The following POLR3E variants were observed in gnomAD, a reference collection of about 807,000 sequenced individuals.
The protein encoded by POLR3E is RNA polymerase III subunit E, also known as DNA-directed RNA polymerase III subunit RPC5.
Under a neutral mutation model 96.6 loss-of-function variants are expected in POLR3E, and 41 were observed. That is an observed-to-expected ratio of 0.42 (90% confidence interval 0.33 to 0.55). POLR3E has a LOEUF of 0.55. Among genes scored for constraint, POLR3E ranks in the 20% least tolerant of loss-of-function variants. The pLI, the probability that POLR3E is intolerant of heterozygous loss-of-function variation, is 0.06. For missense variants in POLR3E, 849 were observed against 952.1 expected, an observed-to-expected ratio of 0.89 and a Z score of 1.43; for synonymous variants, 396 against 383.6, an observed-to-expected ratio of 1.03 and a Z score of -0.38.
intron 8 of POLR3E, chr16:22,314,768 C>T (rs997262813): frequency 1.4e-5 from 3 of 214,682 alleles, no homozygotes; most frequent in Admixed American, 5.3e-5. Flanking sequence ...TTAGAAACTC[C>T]CTTCCGCTCT....
At chr16:22,320,515 C>A (rs775418273) in intron 13 of POLR3E, among the ~76,000 whole-genome samples, 12 of 152,182 alleles carry the variant, frequency 7.9e-5, no homozygotes, top group Non-Finnish European at 1.5e-4. Context: ...CCCATCTCGG[C>A]CTCCCAAAGT....
At chr16:22,325,425 G>C in intron 17 of POLR3E, 159 bp downstream of exon 17, 1 of 692,896 alleles carries the variant, frequency 1.4e-6, no homozygotes, top group East Asian at 2.5e-5. Flanking sequence ...ACAGACCGCA[G>C]CTGGTCGCTT....
In POLR3E at chr16:22,326,021, G is replaced by C. The variant is rs139179088; in HGVS notation, c.1609G>C (p.Gly537Arg). Reference sequence around the variant, plus strand: ...CAAGCTGGCCAACGGGCTGCCTCTCGGGCGGGCTGCGGGCACAGACAGCTT... The same window carrying C: ...CAAGCTGGCCAACGGGCTGCCTCTCCGGCGGGCTGCGGGCACAGACAGCTT... ...HSKLANGLPL[G>R]RAAGTDSFNG... Residue 537 changes from glycine (G) to arginine (R), a missense_variant, in exon 18 of 21, where the codon GGG (glycine) becomes CGG (arginine). Coordinates refer to ENST00000299853, the MANE Select transcript of POLR3E (RefSeq NM_018119.4). 1.2e-6 allele frequency: 2 copies of C among 1,600,278 alleles called. No homozygotes were observed. Among genetic ancestry groups the C allele is most frequent in the Non-Finnish European group, 1.7e-6 (2 of 1,172,050 alleles).
In POLR3E at chr16:22,317,638, T is replaced by TTTGTTG. The variant is rs763710808; in HGVS notation, c.865+456_865+461dup. Reference sequence around the variant, plus strand: ...GCAGGCGAACACGGACTAGGGGCTTTTTGTTGTTGTTGTTGTTGTTGTTGT... The same window carrying TTTGTTG: ...GCAGGCGAACACGGACTAGGGGCTTTTTGTTGTTGTTGTTGTTGTTGTTGTTGTTGT... On this transcript the variant is annotated intron_variant, in intron 12 of 20. Transcript: ENST00000299853. 7.6e-3 allele frequency among the ~76,000 whole-genome samples: 1,150 copies of TTTGTTG among 151,208 alleles called. 14 individuals carry two copies. Among genetic ancestry groups the TTTGTTG allele is most frequent in the African/African-American group, 0.024 (970 of 41,030 alleles).
In POLR3E at chr16:22,306,859, G is replaced by A. The variant is rs181377998; in HGVS notation, c.88-1289G>A. Among the ~76,000 whole-genome samples, 342 of 152,312 alleles carry A rather than the reference G, an allele frequency of 2.2e-3. 1 individual carries two copies. Among genetic ancestry groups the A allele is most frequent in the Non-Finnish European group, 4.0e-3 (274 of 68,024 alleles). On this transcript the variant is annotated intron_variant, in intron 3 of 20. Coordinates refer to ENST00000299853, the MANE Select transcript of POLR3E (RefSeq NM_018119.4). ...CATATCCCATGATGCACATGAGAAC[G>A]TGAGGCACAGGGAGGCCTTCACGGG...
chr16:22,309,567 G>A, intron 6 of POLR3E, 57 bp downstream of exon 6: 1 of 1,194,134 alleles, frequency 8.4e-7, no homozygotes, highest in Non-Finnish European at 1.3e-6. Flanking sequence ...GGCTGGGCAG[G>A]GAGAGTACCT....
In POLR3E at chr16:22,313,836, C is replaced by T; in HGVS notation, c.472+109C>T. 1 of 771,256 alleles carries T rather than the reference C, an allele frequency of 1.3e-6. No individual in the cohort carries two copies. Among genetic ancestry groups the T allele is most frequent in the Non-Finnish European group, 2.2e-6 (1 of 462,062 alleles). 47.8% of individuals were successfully genotyped at this position (771,256 alleles called of 1,614,324 possible). On this transcript the variant is annotated intron_variant, in intron 7 of 20. Coordinates refer to ENST00000299853, the MANE Select transcript of POLR3E (RefSeq NM_018119.4). The surrounding 1 kb of genome is among the most constrained non-coding windows in gnomAD (Gnocchi z 4.1). The stretch of plus-strand genomic sequence containing the variant: ...TAGGATGTTTAGCAGGATCCCTGGC[C>T]TCTACCTACTAGATGCCAGAAGCAC...
chr16:22,320,407 G>T lies in POLR3E; in HGVS notation c.986+1461G>T, dbSNP rs538391103. ...CTCCCAAGTAACTGGGATTATAGGC[G>T]CTTGCCACCACGCCCGGCTAATTTT... On this transcript the variant is annotated intron_variant, in intron 13 of 20. Coordinates refer to ENST00000299853, the MANE Select transcript of POLR3E (RefSeq NM_018119.4). Among the ~76,000 whole-genome samples, 4 of 152,002 alleles carry T rather than the reference G, an allele frequency of 2.6e-5. No homozygotes were observed. In the East Asian group the frequency reaches 7.7e-4, roughly 29 times the overall value.
At chr16:22,316,796 G>T in intron 10 of POLR3E, 110 bp downstream of exon 10, 1 of 1,024,928 alleles carries the variant, frequency 9.8e-7, no homozygotes, top group Non-Finnish European at 1.5e-6. Flanking sequence ...CATGAGGGTG[G>T]AGCCCATTGT....
At chr16:22,324,286 G>A (rs1005762747) in intron 14 of POLR3E, 68 bp from the exon 15 acceptor site, 6 of 1,314,470 alleles carry the variant, frequency 4.6e-6, no homozygotes, top group Non-Finnish European at 5.5e-6. Flanking sequence ...CCTGCCAGGT[G>A]AGTTCCCGGG....
chr16:22,304,120 C>T (rs1174831203), intron 2 of POLR3E, among the ~76,000 whole-genome samples: 1 of 152,066 alleles, frequency 6.6e-6, no homozygotes, highest in Non-Finnish European at 1.5e-5. Context: ...ACAGGTTTCC[C>T]TTCTTAGAGA....
At chr16:22,309,336 C>A in intron 5 of POLR3E, 92 bp from the exon 6 acceptor site, 1 of 1,004,630 alleles carries the variant, frequency 1.0e-6, no homozygotes, top group Non-Finnish European at 1.6e-6. Flanking sequence ...TGTGGCACTT[C>A]AGAAAGTGTC....
In POLR3E at chr16:22,322,011, C is replaced by T. The variant is rs1357396023; in HGVS notation, c.987-839C>T. Among the ~76,000 whole-genome samples the T allele has an allele frequency of 6.6e-6, 1 of 152,344 alleles. No individual in the cohort carries two copies. The highest frequency in any genetic ancestry group is 1.9e-4 in the East Asian group (1 of 5,190). On this transcript the variant is annotated intron_variant, in intron 13 of 20. Coordinates refer to ENST00000299853, the MANE Select transcript of POLR3E (RefSeq NM_018119.4). The surrounding 1 kb of genome is among the most constrained non-coding windows in gnomAD (Gnocchi z 5.2). ...GGGGATGGCGGCTGTTACATTTGAGCTCCCTGAATGCAGAGATCATGGCAT... is the reference window on the plus strand; with the variant it reads ...GGGGATGGCGGCTGTTACATTTGAGTTCCCTGAATGCAGAGATCATGGCAT...
intron 18 of POLR3E, chr16:22,327,385 ACCTTT>A (rs2048621219): frequency 6.6e-6 from 1 of 152,186 alleles, no homozygotes; most frequent in Non-Finnish European, 1.5e-5. Context: ...CCACAAGCTC[ACCTTT>A]CTTCATGAGC....
intron 8 of POLR3E, 69 bp downstream of exon 8, chr16:22,314,197 C>A: frequency 1.6e-6 from 2 of 1,252,388 alleles, no homozygotes; most frequent in African/African-American, 1.5e-5. Flanking sequence ...CAAGGGGTAG[C>A]GGGTCTTCAC....
chr16:22,299,410 C>CTT (rs34579812), intron 1 of POLR3E, among the ~76,000 whole-genome samples: 21 of 117,324 alleles, frequency 1.8e-4, no homozygotes, highest in South Asian at 2.6e-4. Context: ...ATATGATTTA[C>CTT]TTTTTTTTTT....
chr16:22,297,825 C>T lies in POLR3E; in HGVS notation c.-39+288C>T, dbSNP rs190630477. 3.5e-3 allele frequency among the ~76,000 whole-genome samples: 537 copies of T among 152,368 alleles called. 4 individuals carry two copies. Among genetic ancestry groups the T allele is most frequent in the African/African-American group, 0.012 (514 of 41,596 alleles). ...GCCCTATCCGGGCCTGGGAGGCCTC[C>T]TACGGAAGAAACACCTGTCCGCGCG... is the stretch of plus-strand genomic sequence containing the variant. On this transcript the variant is annotated intron_variant, in intron 1 of 20. Coordinates refer to ENST00000299853, the MANE Select transcript of POLR3E (RefSeq NM_018119.4).
chr16:22,301,793 G>GAT (rs2048029292), intron 1 of POLR3E, among the ~76,000 whole-genome samples: 1 of 151,970 alleles, frequency 6.6e-6, no homozygotes, highest in African/African-American at 2.4e-5. Context: ...GGGCCTGGTG[G>GAT]TGCATGCCTG....
chr16:22,298,073 A>G (rs1419583262), intron 1 of POLR3E, among the ~76,000 whole-genome samples: 1 of 152,240 alleles, frequency 6.6e-6, no homozygotes, highest in Non-Finnish European at 1.5e-5. Flanking sequence ...TCATTTATTC[A>G]GGCAACCATT....
Sources: allele counts gnomAD v4.1 joint callset (sites outside exome capture counted in the v4.1 genomes callset), GRCh38; gene constraint gnomAD v4.1.1; non-coding constraint Gnocchi (gnomAD v3.1); transcripts MANE v1.5; gene names NCBI Gene and HGNC (gene_info 2026-07-23, HGNC 2026-07-21).